Variants in EPHA7 observed in about 807,000 individuals in gnomAD.
EPHA7 encodes the protein ephrin type-A receptor 7.
A neutral mutation model predicts 112.6 loss-of-function variants in EPHA7; 25 were observed. The observed-to-expected ratio is 0.22, with a 90% CI of 0.16 to 0.31. The LOEUF (loss-of-function observed/expected upper bound fraction) is 0.31, where lower values mean the gene tolerates loss of function less well. Among genes scored for constraint, EPHA7 ranks in the 10% least tolerant of loss-of-function variants. EPHA7 has a pLI of 1.00. For synonymous variants in EPHA7, 437 were observed against 406.5 expected, an observed-to-expected ratio of 1.07 and a Z score of -0.90; for missense variants, 962 against 1,212.6, an observed-to-expected ratio of 0.79 and a Z score of 3.07.
intron 5 of EPHA7, among the ~76,000 whole-genome samples, chr6:93,347,217 A>C (rs1582565244): frequency 6.6e-6 from 1 of 152,008 alleles, no homozygotes; most frequent in South Asian, 2.1e-4. Flanking sequence ...AATTTGACAA[A>C]CTTACCCAAG....
intron 5 of EPHA7, among the ~76,000 whole-genome samples, chr6:93,306,106 C>T (rs2127856894): frequency 6.6e-6 from 1 of 152,084 alleles, no homozygotes; most frequent in African/African-American, 2.4e-5. Flanking sequence ...TTAGTCCAAA[C>T]ATGTCTCTAA....
intron 5 of EPHA7, among the ~76,000 whole-genome samples, chr6:93,282,549 A>G (rs1771798902): frequency 6.6e-6 from 1 of 152,132 alleles, no homozygotes; most frequent in Admixed American, 6.5e-5. Context: ...CTCTGGCCAC[A>G]CTTGAGGAGC....
chr6:93,374,300 A>G (rs1384668079), intron 3 of EPHA7, among the ~76,000 whole-genome samples: 5 of 152,124 alleles, frequency 3.3e-5, no homozygotes, highest in Non-Finnish European at 5.9e-5. Context: ...TTTTAGCACT[A>G]CAGACAAGAA....
chr6:93,312,043 G>C (rs1459640020), intron 5 of EPHA7, among the ~76,000 whole-genome samples: 2 of 152,056 alleles, frequency 1.3e-5, no homozygotes, highest in South Asian at 2.1e-4. Flanking sequence ...TGTTATCAAG[G>C]CTTCATTGAT....
At chr6:93,418,649 T>C (rs1329245825) in intron 1 of EPHA7, among the ~76,000 whole-genome samples, 2 of 152,160 alleles carry the variant, frequency 1.3e-5, no homozygotes, top group Non-Finnish European at 1.5e-5. Context: ...CGCGGCGTTA[T>C]TGTTCCGTGC....
intron 3 of EPHA7, among the ~76,000 whole-genome samples, chr6:93,380,693 A>G (rs1489979250): frequency 6.6e-6 from 1 of 152,126 alleles, no homozygotes; most frequent in African/African-American, 2.4e-5. Flanking sequence ...TTGGCACATT[A>G]TTCCAAGTGA....
chr6:93,405,592 C>A (rs951784175), intron 3 of EPHA7, among the ~76,000 whole-genome samples: 1 of 151,302 alleles, frequency 6.6e-6, no homozygotes, highest in Non-Finnish European at 1.5e-5. Context: ...TTTGTACATA[C>A]ATTACTTCAT....
Position 93,258,218 on chromosome 6 carries a change from A to G in EPHA7, c.1991T>C (p.Ile664Thr), listed in dbSNP as rs1300555214. The change falls in exon 11 of 17, where the codon ATA becomes ACA. Residue 664 changes from isoleucine to threonine, a missense_variant. Physicochemically the swap from Ile to Thr is moderately conservative, Grantham distance 89 (BLOSUM62 -1). Around this residue, in one of 3 missense-constraint regions of EPHA7, gnomAD observed 746 missense variants for 889.2 expected, o/e 0.84. Coordinates refer to ENST00000369303, the MANE Select transcript of EPHA7 (RefSeq NM_004440.4). ...TGTGTAACCAACTTTCAGGGTTTTT[A>G]TGGCTACTGCAACATCTCTTTTCCC... ...LPGKRDVAVA[I>T]KTLKVGYTEK... 1.7e-5 allele frequency: 27 copies of G among 1,613,200 alleles called. No individual in the cohort carries two copies. Among genetic ancestry groups the G allele is most frequent in the Non-Finnish European group, 2.2e-5 (26 of 1,179,614 alleles).
intron 5 of EPHA7, among the ~76,000 whole-genome samples, chr6:93,326,963 T>C (rs546494365): frequency 4.6e-5 from 7 of 151,724 alleles, no homozygotes; most frequent in Non-Finnish European, 7.4e-5. Context: ...TCTTACATGA[T>C]TGTGAGTTAC....
chr6:93,262,618 T>C (rs529864903), intron 9 of EPHA7, among the ~76,000 whole-genome samples: 9 of 151,478 alleles, frequency 5.9e-5, no homozygotes, highest in African/African-American at 2.2e-4. Flanking sequence ...TTGTAGTAAA[T>C]TGTACTACCC....
intron 3 of EPHA7, among the ~76,000 whole-genome samples, chr6:93,393,979 A>C (rs1047767577): frequency 2.6e-5 from 4 of 151,924 alleles, no homozygotes; most frequent in Non-Finnish European, 5.9e-5. Context: ...GACTGTGTAG[A>C]TCACTTATAC....
At chr6:93,316,651 A>G (rs761102292) in intron 5 of EPHA7, among the ~76,000 whole-genome samples, 56 of 152,176 alleles carry the variant, frequency 3.7e-4, no homozygotes, top group Admixed American at 6.5e-4. Context: ...TCAATTGTGC[A>G]AAGAAATTAC....
intron 9 of EPHA7, chr6:93,260,401 T>A (rs900888130): frequency 2.3e-6 from 1 of 441,960 alleles, no homozygotes; most frequent in Non-Finnish European, 3.0e-6. Context: ...GTATTCCAAA[T>A]CTATTTGGTA....
intron 5 of EPHA7, among the ~76,000 whole-genome samples, chr6:93,273,212 T>C (rs751928215): frequency 1.3e-5 from 2 of 151,994 alleles, no homozygotes; most frequent in Non-Finnish European, 2.9e-5. Flanking sequence ...GTCTGTGGAA[T>C]GTAGCAAACT....
At chr6:93,276,176 A>G (rs1771461199) in intron 5 of EPHA7, among the ~76,000 whole-genome samples, 1 of 152,042 alleles carries the variant, frequency 6.6e-6, no homozygotes, top group Non-Finnish European at 1.5e-5. Flanking sequence ...TAAAATAAAG[A>G]GATTATCCTG....
chr6:93,357,094 A>G (rs1007842236), intron 4 of EPHA7, 42 bp from the exon 5 acceptor site: 30 of 1,426,230 alleles, frequency 2.1e-5, no homozygotes, highest in African/African-American at 2.9e-5. Context: ...GCAAAAATAG[A>G]AAAAAAAACA....
chr6:93,291,071 A>T (rs565005750), intron 5 of EPHA7, among the ~76,000 whole-genome samples: 1 of 152,296 alleles, frequency 6.6e-6, no homozygotes, highest in East Asian at 1.9e-4. Context: ...AAATGAGTAA[A>T]TTTTATATTT....
chr6:93,263,768 T>G, intron 9 of EPHA7, 92 bp downstream of exon 9: 8 of 894,708 alleles, frequency 8.9e-6, no homozygotes, highest in Middle Eastern at 2.3e-4. Flanking sequence ...ATTTCAAGCA[T>G]GATGCATGAG....
chr6:93,357,048 A>G lies in EPHA7; in HGVS notation c.993T>C (p.Pro331=). Residue 331 remains proline (P), a synonymous_variant, in exon 5 of 17, where the codon CCT becomes CCC. Transcript: ENST00000369303. ...SDPPYVACTR[P]PSAPQNLIFN... ...AAATGAGGTTCTGTGGTGCAGATGG[A>G]GGCCCTTGGGAAACCAAGAATAAAT... is the stretch of plus-strand genomic sequence containing the variant. 1.2e-6 allele frequency: 2 copies of G among 1,606,610 alleles called. No individual in the cohort carries two copies. The highest frequency in any genetic ancestry group is 1.7e-6 in the Non-Finnish European group (2 of 1,176,474).
Sources: gnomAD v4.1 joint callset for allele counts (sites outside exome capture counted in the v4.1 genomes callset) on GRCh38, gnomAD v4.1.1 for gene constraint, gnomAD v4.1.1 regional missense constraint, MANE v1.5 for transcripts, NCBI Gene and HGNC (gene_info 2026-07-23, HGNC 2026-07-21) for gene names.